The following ELK3 variants were observed in gnomAD, a reference collection of about 807,000 sequenced individuals.
ELK3 encodes ETS domain-containing protein Elk-3.
ELK3 carries 10 observed loss-of-function variants against 28.9 expected under a neutral mutation model. The observed-to-expected ratio is 0.35, with a 90% confidence interval of 0.21 to 0.59. The LOEUF (loss-of-function observed/expected upper bound fraction) is 0.59. Ranked by LOEUF, ELK3 falls within the 20% of genes least tolerant of loss-of-function variation. The pLI, the probability that ELK3 is intolerant of heterozygous loss-of-function variation, is 0.82. For synonymous variants in ELK3, 272 were observed against 243.5 expected, an observed-to-expected ratio of 1.12 and a Z score of -1.09; for missense variants, 463 against 517.3, an observed-to-expected ratio of 0.90 and a Z score of 1.02.
chr12:96,216,197 G>A (rs970668693), intron 1 of ELK3, among the ~76,000 whole-genome samples: 4 of 151,954 alleles, frequency 2.6e-5, no homozygotes, highest in Non-Finnish European at 2.9e-5. Flanking sequence ...TTCTTTCTTC[G>A]CTATCTGACC....
intron 1 of ELK3, among the ~76,000 whole-genome samples, chr12:96,201,312 G>A (rs1034372813): frequency 3.3e-5 from 5 of 152,084 alleles, no homozygotes; most frequent in African/African-American, 1.2e-4. Flanking sequence ...AGTTTCTTTA[G>A]CCTGATGGTA....
At chr12:96,223,200 G>A (rs1951675003) in intron 1 of ELK3, among the ~76,000 whole-genome samples, 1 of 152,112 alleles carries the variant, frequency 6.6e-6, no homozygotes, top group African/African-American at 2.4e-5. Context: ...GGGATGGGCG[G>A]GAATAGACAC....
chr12:96,234,838 G>C (rs1312054435), intron 2 of ELK3, among the ~76,000 whole-genome samples: 2 of 152,172 alleles, frequency 1.3e-5, no homozygotes, highest in African/African-American at 4.8e-5. Flanking sequence ...CAAGGCCCAT[G>C]CCTGGGCTTC....
intron 2 of ELK3, among the ~76,000 whole-genome samples, chr12:96,224,193 A>T (rs1277233560): frequency 2.0e-5 from 3 of 152,220 alleles, no homozygotes; most frequent in African/African-American, 7.2e-5. Context: ...TTATTTTTTA[A>T]CAATTCAGTG....
chr12:96,239,843 C>A (rs1951807793), intron 2 of ELK3, among the ~76,000 whole-genome samples: 1 of 152,226 alleles, frequency 6.6e-6, no homozygotes, highest in Non-Finnish European at 1.5e-5. Flanking sequence ...TGAGAAGCCG[C>A]CGGGAGCAGT....
At chr12:96,265,672 C>CTA (rs1864037071) in intron 4 of ELK3, among the ~76,000 whole-genome samples, 1 of 152,136 alleles carries the variant, frequency 6.6e-6, no homozygotes, top group Non-Finnish European at 1.5e-5. Flanking sequence ...GAGCCAGACC[C>CTA]TATCTCTAAA....
intron 3 of ELK3, among the ~76,000 whole-genome samples, chr12:96,255,010 C>T (rs948930052): frequency 2.6e-5 from 4 of 152,002 alleles, no homozygotes; most frequent in African/African-American, 7.3e-5. Flanking sequence ...TAGGAATCAC[C>T]CTGCTGGCGA....
intron 2 of ELK3, among the ~76,000 whole-genome samples, chr12:96,236,993 C>T (rs1181311439): frequency 2.6e-5 from 4 of 152,212 alleles, no homozygotes; most frequent in Non-Finnish European, 5.9e-5. Context: ...CCAGTCTCTG[C>T]CTCCACGTCC....
rs562216223 is a variant in ELK3, at chr12:96,243,233, A to G, written c.208-3707A>G. Among the ~76,000 whole-genome samples, 45 of 152,326 alleles carry G rather than the reference A, an allele frequency of 3.0e-4. 1 individual carries two copies. The highest frequency in any genetic ancestry group is 9.8e-4 in the Admixed American group (15 of 15,310). On this transcript the variant is annotated intron_variant, in intron 2 of 4. Transcript: ENST00000228741. ...TACAGTTCAGTGGCTCTGAGTATAG[A>G]GTTCTGCACCCATCACCGTGACCCA...
chr12:96,260,479 GA>G (rs60883286), intron 4 of ELK3, among the ~76,000 whole-genome samples: 89 of 152,234 alleles, frequency 5.8e-4, no homozygotes, highest in African/African-American at 2.1e-3. Context: ...GTTCTGTAAT[GA>G]AAAAGGAGAA....
At position 96,202,400 on chromosome 12, in the gene ELK3, A is replaced by G. The variant is rs1019145958; in HGVS notation, c.-3+7695A>G. ...ATTTTTCAGACTCCATGCCTAACCA[A>G]TTTGTAGGCGTCTTTTAGTTCACAC... On this transcript the variant is annotated intron_variant, in intron 1 of 4. Transcript: ENST00000228741. Among the ~76,000 whole-genome samples the G allele has an allele frequency of 3.3e-5, 5 of 151,788 alleles. No individual in the cohort carries two copies. The East Asian group carries it at 7.7e-4, about 23-fold the overall frequency.
chr12:96,202,724 G>A (rs1457343171), intron 1 of ELK3, among the ~76,000 whole-genome samples: 2 of 151,174 alleles, frequency 1.3e-5, no homozygotes, highest in South Asian at 2.1e-4. Flanking sequence ...ACAGGGTTTC[G>A]CCATGTTGGC....
chr12:96,241,632 C>T (rs554746633), intron 2 of ELK3, among the ~76,000 whole-genome samples: 1 of 152,344 alleles, frequency 6.6e-6, no homozygotes, highest in African/African-American at 2.4e-5. Context: ...GAGATCCTGT[C>T]ATGGGCTGCT....
chr12:96,229,500 C>A (rs892537987), intron 2 of ELK3, among the ~76,000 whole-genome samples: 1 of 151,476 alleles, frequency 6.6e-6, no homozygotes, highest in Non-Finnish European at 1.5e-5. Context: ...GACGTTCTCC[C>A]CATTCTGTGT....
chr12:96,199,772 A>AT lies in ELK3; in HGVS notation c.-3+5070dup, dbSNP rs1335503905. ...TTGACTACTTTATTGCTATGTATTA[A>AT]TTTACATTTCCTGGAAAGTACTACT... On this transcript the variant is annotated intron_variant, in intron 1 of 4. Transcript: ENST00000228741. 2.6e-5 allele frequency among the ~76,000 whole-genome samples: 4 copies of AT among 152,202 alleles called. No individual in the cohort carries two copies. In the East Asian group the frequency reaches 7.7e-4, roughly 29 times the overall value.
chr12:96,202,802 C>T (rs1294503350), intron 1 of ELK3, among the ~76,000 whole-genome samples: 2 of 152,104 alleles, frequency 1.3e-5, no homozygotes, highest in Non-Finnish European at 2.9e-5. Flanking sequence ...GCTGGGATTA[C>T]AAGTGTGAGC....
intron 1 of ELK3, among the ~76,000 whole-genome samples, chr12:96,220,027 C>T (rs1162229929): frequency 2.6e-5 from 4 of 151,978 alleles, no homozygotes; most frequent in East Asian, 1.9e-4. Flanking sequence ...CTGAGTAATC[C>T]TCTGATGATC....
At chr12:96,220,676 G>A (rs929588587) in intron 1 of ELK3, among the ~76,000 whole-genome samples, 5 of 152,128 alleles carry the variant, frequency 3.3e-5, no homozygotes, top group Non-Finnish European at 5.9e-5. Flanking sequence ...ACAGGCGTGA[G>A]CCACCACAGC....
At position 96,267,301 on chromosome 12, in the gene ELK3, CA is replaced by C. The variant is rs1952042036; in HGVS notation, c.*122del. 1 of 753,188 alleles carries C rather than the reference CA, an allele frequency of 1.3e-6. No homozygotes were observed. Among genetic ancestry groups the C allele is most frequent in the African/African-American group, 1.8e-5 (1 of 56,620 alleles). The allele number at this position is 753,188 out of a possible 1,614,324, so 46.7% of individuals were successfully genotyped here. On this transcript the variant is annotated 3_prime_UTR_variant, in exon 5 of 5. Coordinates refer to ENST00000228741, the MANE Select transcript of ELK3 (RefSeq NM_005230.4). ...TCTTGTTAATTTGGTTTGCACTTTT[CA>C]TAACATGGATAGTCTAGATTTATGT...
Sources: gnomAD v4.1 joint callset for allele counts (sites outside exome capture counted in the v4.1 genomes callset) on GRCh38, gnomAD v4.1.1 for gene constraint, MANE v1.5 for transcripts, NCBI Gene and HGNC (gene_info 2026-07-23, HGNC 2026-07-21) for gene names.